The following ATXN7L1 variants were observed in gnomAD, a reference collection of about 807,000 sequenced individuals.
The protein encoded by ATXN7L1 is ataxin 7 like 1.
In ATXN7L1, 15 loss-of-function variants were observed where a neutral mutation model predicts 70.8. The observed-to-expected ratio is 0.21, with a 90% CI of 0.14 to 0.33. The LOEUF (loss-of-function observed/expected upper bound fraction) is 0.33, where lower values mean the gene tolerates loss of function less well. Ranked by LOEUF, ATXN7L1 falls within the 10% of genes least tolerant of loss-of-function variation. ATXN7L1 has a pLI of 1.00. For missense variants in ATXN7L1, 975 were observed against 1,097.1 expected (o/e 0.89, Z 1.57); for synonymous variants, 440 against 445.1 (o/e 0.99, Z 0.14).
At position 105,620,243 on chromosome 7, in the gene ATXN7L1, G is replaced by A; in HGVS notation, c.1474C>T (p.Leu492=). ...AGGTGTTTTTCTACCATGGAGTTTA[G>A]TGCGAATCGAAAACGATCCCATCTT... is the stretch of plus-strand genomic sequence containing the variant. ...DRRWDRFRFA[L]NSMVEKHLNS... Residue 492 remains leucine (L), a synonymous_variant, in exon 9 of 12, where the codon CTA becomes TTA. Transcript: ENST00000419735. 6.4e-7 allele frequency: 1 copy of A among 1,551,484 alleles called. No individual in the cohort carries two copies. The highest frequency in any genetic ancestry group is 8.7e-7 in the Non-Finnish European group (1 of 1,146,862).
chr7:105,785,530 C>A (rs1804170662), intron 3 of ATXN7L1, among the ~76,000 whole-genome samples: 1 of 151,976 alleles, frequency 6.6e-6, no homozygotes, highest in Non-Finnish European at 1.5e-5. Flanking sequence ...CAGTGTCTGG[C>A]ACTCGGCACA....
chr7:105,773,233 A>G (rs886844803), intron 3 of ATXN7L1, among the ~76,000 whole-genome samples: 1 of 152,194 alleles, frequency 6.6e-6, no homozygotes, highest in African/African-American at 2.4e-5. Context: ...ATTATTTTCT[A>G]TTTTGAACTA....
intron 4 of ATXN7L1, among the ~76,000 whole-genome samples, chr7:105,664,674 A>G (rs1401295575): frequency 6.6e-6 from 1 of 151,034 alleles, no homozygotes; most frequent in African/African-American, 2.4e-5. Context: ...GGTTCAAGCA[A>G]TTCTGCTTCA....
At chr7:105,611,296 G>A (rs1793130883) in intron 10 of ATXN7L1, among the ~76,000 whole-genome samples, 1 of 152,330 alleles carries the variant, frequency 6.6e-6, no homozygotes. Context: ...AGTCTGCAAA[G>A]GCAGCTTGAA....
chr7:105,743,287 A>G (rs1395275679), intron 3 of ATXN7L1, among the ~76,000 whole-genome samples: 1 of 152,222 alleles, frequency 6.6e-6, no homozygotes, highest in Admixed American at 6.5e-5. Context: ...AACTGGGGCC[A>G]GGTACTCAGC....
chr7:105,647,064 T>C (rs941372584), intron 4 of ATXN7L1, among the ~76,000 whole-genome samples: 1 of 152,212 alleles, frequency 6.6e-6, no homozygotes, highest in African/African-American at 2.4e-5. Flanking sequence ...ACTTCAAGTG[T>C]TGATATGAAC....
intron 3 of ATXN7L1, among the ~76,000 whole-genome samples, chr7:105,712,997 T>G (rs955594702): frequency 6.6e-6 from 1 of 152,222 alleles, no homozygotes; most frequent in Admixed American, 6.5e-5. Context: ...CTCACAGTTC[T>G]GTAGGCTAAA....
intron 3 of ATXN7L1, among the ~76,000 whole-genome samples, chr7:105,758,103 T>C (rs1343447362): frequency 6.6e-6 from 1 of 152,176 alleles, no homozygotes; most frequent in Non-Finnish European, 1.5e-5. Flanking sequence ...CCTCATGGAC[T>C]GCTCTCTTCT....
chr7:105,850,543 G>A (rs1814721367), intron 2 of ATXN7L1, among the ~76,000 whole-genome samples: 1 of 152,238 alleles, frequency 6.6e-6, no homozygotes. Context: ...GGAAAAATAA[G>A]GCTGTGAGAG....
At chr7:105,798,588 T>C (rs1387797351) in intron 2 of ATXN7L1, among the ~76,000 whole-genome samples, 2 of 152,260 alleles carry the variant, frequency 1.3e-5, no homozygotes, top group Admixed American at 6.5e-5. Context: ...CCTTGGCCTA[T>C]GCCTGCCTTA....
chr7:105,623,597 AC>A (rs1413680513), intron 8 of ATXN7L1, among the ~76,000 whole-genome samples: 1 of 152,202 alleles, frequency 6.6e-6, no homozygotes, highest in Non-Finnish European at 1.5e-5. Flanking sequence ...ATATGGTCAC[AC>A]AACAGTAACA....
At chr7:105,787,025 T>C (rs952531269) in intron 3 of ATXN7L1, among the ~76,000 whole-genome samples, 40 of 150,318 alleles carry the variant, frequency 2.7e-4, no homozygotes, top group Non-Finnish European at 4.4e-4. Flanking sequence ...GCCATGGCTC[T>C]GCTTTGGATT....
chr7:105,663,562 T>C (rs1802045609), intron 4 of ATXN7L1, among the ~76,000 whole-genome samples: 1 of 152,206 alleles, frequency 6.6e-6, no homozygotes, highest in Non-Finnish European at 1.5e-5. Context: ...ATCCCTTCTC[T>C]GTCTTCTCAA....
rs1792812362 is a variant in ATXN7L1, at chr7:105,607,604, C to T, written c.*248G>A. The stretch of plus-strand genomic sequence containing the variant: ...AATTTGGAAGAATGTAAAAACATGG[C>T]AAATGAAAGGAAAGACAGCGGAAAC... On this transcript the variant is annotated 3_prime_UTR_variant, in exon 12 of 12. Transcript: ENST00000419735. 1.9e-6 allele frequency: 1 copy of T among 538,136 alleles called. No homozygotes were observed. The highest frequency in any genetic ancestry group is 3.3e-6 in the Non-Finnish European group (1 of 302,002). The allele number at this position is 538,136 out of a possible 1,614,324, so 33.3% of individuals were successfully genotyped here. A position where few individuals can be genotyped will look rare whatever the true frequency, so the allele number is the denominator to read the frequency against.
chr7:105,630,219 C>T (rs946243238), intron 7 of ATXN7L1, among the ~76,000 whole-genome samples: 1 of 152,198 alleles, frequency 6.6e-6, no homozygotes, highest in African/African-American at 2.4e-5. Flanking sequence ...ATGTGAAGAA[C>T]TTCCTGTTAA....
intron 4 of ATXN7L1, among the ~76,000 whole-genome samples, chr7:105,648,975 G>C (rs1443773933): frequency 6.9e-6 from 1 of 144,558 alleles, no homozygotes; most frequent in Non-Finnish European, 1.5e-5. Flanking sequence ...GCAATAGCCT[G>C]ATGGGTGACT....
chr7:105,641,648 C>T (rs1025990693), intron 5 of ATXN7L1, among the ~76,000 whole-genome samples: 3 of 152,250 alleles, frequency 2.0e-5, no homozygotes, highest in African/African-American at 7.2e-5. Flanking sequence ...GTTGCCACCA[C>T]CTCTGAAGAG....
chr7:105,843,469 A>G (rs1278736271), intron 2 of ATXN7L1, among the ~76,000 whole-genome samples: 2 of 152,258 alleles, frequency 1.3e-5, no homozygotes, highest in Non-Finnish European at 1.5e-5. Flanking sequence ...ATGCCAGCCA[A>G]TGGCAGGTCT....
chr7:105,734,248 C>T (rs944691152), intron 3 of ATXN7L1, among the ~76,000 whole-genome samples: 2 of 152,216 alleles, frequency 1.3e-5, no homozygotes, highest in Admixed American at 6.5e-5. Context: ...AAGCTTTCCA[C>T]ATCATGAAGT....
Sources: allele counts gnomAD v4.1 joint callset (sites outside exome capture counted in the v4.1 genomes callset), GRCh38; gene constraint gnomAD v4.1.1; transcripts MANE v1.5; gene names NCBI Gene and HGNC (gene_info 2026-07-23, HGNC 2026-07-21).